The following FLYWCH1 variants were observed in gnomAD, a reference collection of about 807,000 sequenced individuals.
The protein encoded by FLYWCH1 is FLYWCH-type zinc finger 1.
FLYWCH1 carries 75 observed loss-of-function variants against 66.4 expected under a neutral mutation model. The ratio of observed to expected loss-of-function variants is 1.13; its 90% CI spans 0.94 to 1.37. The LOEUF (loss-of-function observed/expected upper bound fraction) is 1.37, where lower values mean the gene tolerates loss of function less well. FLYWCH1 is among the 40% of genes most tolerant of loss of function. The probability of loss-of-function intolerance (pLI) is 0.00; values close to 1 mark genes in which losing one functional copy is unlikely to be tolerated. For missense variants in FLYWCH1, 1,334 were observed against 1,001.8 expected, an observed-to-expected ratio of 1.33 and a Z score of -4.48; for synonymous variants, 595 against 429.9, an observed-to-expected ratio of 1.38 and a Z score of -4.75.
intron 9 of FLYWCH1, among the ~76,000 whole-genome samples, chr16:2,945,729 G>T (rs750215038): frequency 5.3e-5 from 8 of 152,110 alleles, no homozygotes; most frequent in East Asian, 1.9e-4. Flanking sequence ...CGGGTGCGGT[G>T]GCTCATGCCT....
chr16:2,937,628 G>T (rs1195452150), intron 7 of FLYWCH1, among the ~76,000 whole-genome samples: 1 of 152,150 alleles, frequency 6.6e-6, no homozygotes, highest in East Asian at 1.9e-4. Context: ...GGAAGAGGAT[G>T]GTGGCCAGGG....
At chr16:2,946,063 ATGTATT>A (rs1269288960) in intron 9 of FLYWCH1, among the ~76,000 whole-genome samples, 7 of 152,184 alleles carry the variant, frequency 4.6e-5, no homozygotes, top group Admixed American at 2.6e-4. Flanking sequence ...CAGCTGTACA[ATGTATT>A]TGTGTTTTAA....
intron 4 of FLYWCH1, among the ~76,000 whole-genome samples, chr16:2,932,152 G>A (rs2070785247): frequency 6.6e-6 from 1 of 151,046 alleles, no homozygotes; most frequent in African/African-American, 2.4e-5. Context: ...GGGCGTGGAG[G>A]CGCCTGCAAT....
chr16:2,945,379 G>C (rs1243411807), intron 9 of FLYWCH1, among the ~76,000 whole-genome samples: 1 of 151,636 alleles, frequency 6.6e-6, no homozygotes, highest in African/African-American at 2.4e-5. Context: ...CCAGCTACTC[G>C]GGAGGCTGGG....
At chr16:2,938,945 T>G (rs541044364) in intron 8 of FLYWCH1, among the ~76,000 whole-genome samples, 49 of 151,694 alleles carry the variant, frequency 3.2e-4, no homozygotes, top group African/African-American at 1.2e-3. Context: ...TTTGCTCTTG[T>G]TGCCCAGGCT....
Position 2,930,017 on chromosome 16 carries a change from T to A in FLYWCH1, c.325+7T>A, listed in dbSNP as rs1303692461. On this transcript the variant is annotated splice_region_variant and intron_variant, in intron 3 of 9. Transcript: ENST00000253928. ...TGCAGCAAGCTGGATGCAGGTGAGGTGTGGCTTCCCGCCCCTGCCCAGCCA... is the reference window on the plus strand; with the variant it reads ...TGCAGCAAGCTGGATGCAGGTGAGGAGTGGCTTCCCGCCCCTGCCCAGCCA... The A allele has an allele frequency of 3.8e-6, 6 of 1,597,252 alleles. No individual in the cohort carries two copies. The South Asian group carries it at 6.6e-5, about 18-fold the overall frequency.
rs566798511 is a variant in FLYWCH1 at position 2,941,058 on chromosome 16, C to T, written c.2111+966C>T. Among the ~76,000 whole-genome samples the T allele has an allele frequency of 2.0e-5, 3 of 152,278 alleles. No individual in the cohort carries two copies. The East Asian group carries it at 5.8e-4, about 29-fold the overall frequency. On this transcript the variant is annotated intron_variant, in intron 9 of 9. Coordinates refer to ENST00000253928, the MANE Select transcript of FLYWCH1 (RefSeq NM_001308068.2). ...AGGTTGCAGTGAGCCAAGATTGTGC[C>T]ACTGCACTCCAGCCTAGGTGACAAA...
At chr16:2,930,901 T>C in intron 4 of FLYWCH1, 21 bp downstream of exon 4, 1 of 1,554,140 alleles carries the variant, frequency 6.4e-7, no homozygotes, top group Non-Finnish European at 8.7e-7. Context: ...TCCACTCCCC[T>C]GCTGCGTCCA....
In FLYWCH1 at chr16:2,938,341, C is replaced by A. The variant is rs1465145404; in HGVS notation, c.1935C>A (p.Thr645=). Reference sequence around the variant, plus strand: ...TGGGCTGCCGCAGCCGCGCCATAACCCAGGGCCACCGCATCATGGTCATGC... The same window carrying A: ...TGGGCTGCCGCAGCCGCGCCATAACACAGGGCCACCGCATCATGGTCATGC... ...ARLGCRSRAI[T]QGHRIMVMRS... is the part of the protein sequence containing the mutation. Residue 645 remains threonine (T), a synonymous_variant, in exon 8 of 10, where the codon ACC becomes ACA. Coordinates refer to ENST00000253928, the MANE Select transcript of FLYWCH1 (RefSeq NM_001308068.2). The A allele has an allele frequency of 6.2e-7, 1 of 1,604,252 alleles. No individual in the cohort carries two copies. The highest frequency in any genetic ancestry group is 1.3e-5 in the African/African-American group (1 of 74,756).
intron 2 of FLYWCH1, among the ~76,000 whole-genome samples, chr16:2,925,582 G>GGGGC (rs1555483234): frequency 1.5e-5 from 1 of 67,458 alleles, no homozygotes; most frequent in Non-Finnish European, 2.7e-5. Flanking sequence ...TGCGGGGGGA[G>GGGGC]GGGGGTACGG....
chr16:2,937,677 G>C (rs1367096524), intron 7 of FLYWCH1, among the ~76,000 whole-genome samples: 1 of 152,144 alleles, frequency 6.6e-6, no homozygotes, highest in African/African-American at 2.4e-5. Flanking sequence ...GGCATCTGCT[G>C]ACGGGCCGTA....
Position 2,929,766 on chromosome 16 carries a change from C to T in FLYWCH1, c.81C>T (p.Asp27=), listed in dbSNP as rs748843365. 6.2e-6 allele frequency: 10 copies of T among 1,613,880 alleles called. No homozygotes were observed. Among genetic ancestry groups the T allele is most frequent in the South Asian group, 1.1e-5 (1 of 91,076 alleles). The part of the protein sequence containing the change: ...GQEPSPKPGT[D]VIPAAPRKPR... Reference sequence around the variant, plus strand: ...AGCCATCCCCCAAGCCAGGCACGGACGTCATCCCGGCAGCCCCCAGGAAGC... The same window carrying T: ...AGCCATCCCCCAAGCCAGGCACGGATGTCATCCCGGCAGCCCCCAGGAAGC... Residue 27 remains aspartate (D), a synonymous_variant, in exon 3 of 10, where the codon GAC becomes GAT. Transcript: ENST00000253928.
intron 4 of FLYWCH1, among the ~76,000 whole-genome samples, chr16:2,932,489 C>T (rs2070801613): frequency 6.6e-6 from 1 of 151,944 alleles, no homozygotes. Context: ...GATGGGAGTT[C>T]TGGCTGTTTT....
intron 1 of FLYWCH1, among the ~76,000 whole-genome samples, chr16:2,912,733 C>T (rs751936210): frequency 6.6e-6 from 1 of 152,186 alleles, no homozygotes; most frequent in Non-Finnish European, 1.5e-5. Flanking sequence ...TCTTCCACCC[C>T]GTTCCAAAAG....
chr16:2,932,707 G>T (rs10852667), intron 4 of FLYWCH1, among the ~76,000 whole-genome samples: 67,895 of 151,942 alleles, frequency 0.45, 15,396 homozygotes, highest in East Asian at 0.54. Context: ...GGGTAGATTT[G>T]TTAAACAAAA....
intron 9 of FLYWCH1, among the ~76,000 whole-genome samples, chr16:2,944,342 A>C (rs12051299): frequency 6.7e-6 from 1 of 148,524 alleles, no homozygotes; most frequent in Non-Finnish European, 1.5e-5. Flanking sequence ...GTGAGCCGAG[A>C]TTGTGCCATT....
intron 9 of FLYWCH1, among the ~76,000 whole-genome samples, chr16:2,946,146 T>A (rs897822430): frequency 6.6e-6 from 1 of 152,108 alleles, no homozygotes; most frequent in African/African-American, 2.4e-5. Context: ...GTTAATTTAT[T>A]ACTGAAGAAA....
intron 1 of FLYWCH1, among the ~76,000 whole-genome samples, chr16:2,912,702 G>A (rs995416089): frequency 1.3e-5 from 2 of 152,154 alleles, no homozygotes; most frequent in African/African-American, 4.8e-5. Flanking sequence ...GGATCTGTTC[G>A]GATTAAATTC....
At chr16:2,947,286 CAGAA>C (rs1468098186) in intron 9 of FLYWCH1, among the ~76,000 whole-genome samples, 2 of 152,272 alleles carry the variant, frequency 1.3e-5, no homozygotes, top group East Asian at 1.9e-4. Context: ...TTTAGAGAGA[CAGAA>C]AGATTAGTGG....
Sources: allele counts gnomAD v4.1 joint callset (sites outside exome capture counted in the v4.1 genomes callset), GRCh38; gene constraint gnomAD v4.1.1; transcripts MANE v1.5; gene names NCBI Gene and HGNC (gene_info 2026-07-23, HGNC 2026-07-21).